SAMD3: variants seen among roughly 807,000 people sequenced by gnomAD.
SAMD3 encodes the protein sterile alpha motif domain-containing protein 3.
A neutral mutation model predicts 58.5 loss-of-function variants in SAMD3; 63 were observed. The ratio of observed to expected loss-of-function variants is 1.08; its 90% CI spans 0.88 to 1.33. The LOEUF (loss-of-function observed/expected upper bound fraction) is 1.33, where lower values mean the gene tolerates loss of function less well. Among genes scored for constraint, SAMD3 ranks in the 40% most tolerant of loss-of-function variants. The pLI, the probability that SAMD3 is intolerant of heterozygous loss-of-function variation, is 0.00. For missense variants in SAMD3, 604 were observed against 608.4 expected (o/e 0.99, Z 0.08); for synonymous variants, 220 against 210.3 (o/e 1.05, Z -0.40).
intron 2 of SAMD3, among the ~76,000 whole-genome samples, chr6:130,280,315 C>T (rs575166898): frequency 1.3e-5 from 2 of 152,258 alleles, no homozygotes; most frequent in East Asian, 1.9e-4. Flanking sequence ...TTTTTTTGCC[C>T]TTGATAATGG....
At chr6:130,143,918 T>A (rs1788395223), downstream of SAMD3, 1 of 152,526 alleles carries the variant, frequency 6.6e-6, no homozygotes, top group Admixed American at 6.5e-5. Flanking sequence ...CAGTAGCAGA[T>A]GAACACAGGT....
chr6:130,171,765 T>C (rs981802894), intron 8 of SAMD3, among the ~76,000 whole-genome samples: 9 of 152,208 alleles, frequency 5.9e-5, no homozygotes, highest in African/African-American at 1.4e-4. Flanking sequence ...AATATCCTTG[T>C]TAATTTTCTG....
intron 1 of SAMD3, among the ~76,000 whole-genome samples, chr6:130,321,227 T>C (rs1191363616): frequency 2.0e-5 from 3 of 152,190 alleles, no homozygotes; most frequent in East Asian, 1.9e-4. Context: ...TTCTTAGAAC[T>C]CTTGTCAATT....
At chr6:130,335,566 G>A (rs1252312423) in intron 1 of SAMD3, among the ~76,000 whole-genome samples, 1 of 152,230 alleles carries the variant, frequency 6.6e-6, no homozygotes, top group Non-Finnish European at 1.5e-5. Flanking sequence ...CTCTGTGTCA[G>A]TAGATGACTA....
At chr6:130,303,298 C>T (rs1055007224) in intron 2 of SAMD3, among the ~76,000 whole-genome samples, 5 of 152,152 alleles carry the variant, frequency 3.3e-5, no homozygotes, top group Admixed American at 2.6e-4. Flanking sequence ...TAGATACCCT[C>T]ACACCACATA....
intron 2 of SAMD3, among the ~76,000 whole-genome samples, chr6:130,266,746 A>T (rs944516726): frequency 2.6e-5 from 4 of 152,154 alleles, no homozygotes; most frequent in Non-Finnish European, 5.9e-5. Flanking sequence ...TTATTAAACC[A>T]TCTTTCTTCC....
chr6:130,213,325 T>A (rs9492492), intron 4 of SAMD3, among the ~76,000 whole-genome samples: 118,303 of 150,482 alleles, frequency 0.79, 46,856 homozygotes, highest in African/African-American at 0.88. Flanking sequence ...TTTTTTTTTT[T>A]AAAAAAAATC....
At chr6:130,305,709 G>C (rs755600457) in intron 2 of SAMD3, among the ~76,000 whole-genome samples, 1 of 152,108 alleles carries the variant, frequency 6.6e-6, no homozygotes, top group Non-Finnish European at 1.5e-5. Flanking sequence ...TGTGTTGATT[G>C]ATCTGCTGAT....
At chr6:130,230,198 GT>G (rs1319233525) in intron 2 of SAMD3, among the ~76,000 whole-genome samples, 22 of 152,266 alleles carry the variant, frequency 1.4e-4, no homozygotes, top group African/African-American at 4.8e-4. Context: ...ACGGTATTAT[GT>G]TGGAACTCTT....
At chr6:130,247,131 A>G (rs1445411652) in intron 2 of SAMD3, among the ~76,000 whole-genome samples, 1 of 152,190 alleles carries the variant, frequency 6.6e-6, no homozygotes, top group African/African-American at 2.4e-5. Flanking sequence ...AAAAGGAGCT[A>G]TTAAAGATTA....
intron 1 of SAMD3, among the ~76,000 whole-genome samples, chr6:130,351,089 A>T (rs1777644797): frequency 6.6e-6 from 1 of 152,234 alleles, no homozygotes; most frequent in Admixed American, 6.5e-5. Context: ...GATGGATTAA[A>T]GACTTACAGG....
chr6:130,363,529 G>T (rs952544525), intron 1 of SAMD3, among the ~76,000 whole-genome samples: 6 of 152,154 alleles, frequency 3.9e-5, no homozygotes, highest in Admixed American at 1.3e-4. Flanking sequence ...AAACAAGTTT[G>T]ATGTGAGTGT....
intron 2 of SAMD3, among the ~76,000 whole-genome samples, chr6:130,244,621 T>A (rs1186609595): frequency 2.0e-5 from 3 of 151,894 alleles, no homozygotes; most frequent in Non-Finnish European, 4.4e-5. Flanking sequence ...GCACCTGCAA[T>A]CCCAGCTACT....
intron 2 of SAMD3, among the ~76,000 whole-genome samples, chr6:130,265,936 G>C (rs1774332105): frequency 1.3e-5 from 2 of 152,096 alleles, no homozygotes; most frequent in African/African-American, 4.8e-5. Flanking sequence ...AATAAATGTG[G>C]ATACTGGTCT....
At chr6:130,273,967 TAA>T (rs1478423827) in intron 2 of SAMD3, among the ~76,000 whole-genome samples, 1 of 152,228 alleles carries the variant, frequency 6.6e-6, no homozygotes, top group Non-Finnish European at 1.5e-5. Flanking sequence ...TTTATATACT[TAA>T]CTCTACAAGT....
intron 2 of SAMD3, among the ~76,000 whole-genome samples, chr6:130,278,046 C>T (rs1386474233): frequency 6.6e-6 from 1 of 152,118 alleles, no homozygotes; most frequent in Non-Finnish European, 1.5e-5. Context: ...TTCCAAAACT[C>T]CCCAAATTGC....
At chr6:130,254,146 C>A (rs1274740959) in intron 2 of SAMD3, among the ~76,000 whole-genome samples, 1 of 150,526 alleles carries the variant, frequency 6.6e-6, no homozygotes. Flanking sequence ...GTGTGTGCCA[C>A]TACGCTCAGC....
intron 5 of SAMD3, among the ~76,000 whole-genome samples, chr6:130,189,778 CATT>C (rs2114731851): frequency 6.6e-6 from 1 of 152,274 alleles, no homozygotes; most frequent in Non-Finnish European, 1.5e-5. Flanking sequence ...TAACCATAAA[CATT>C]AAACACATTT....
At chr6:130,189,094 TA>T (rs1251883342) in intron 5 of SAMD3, among the ~76,000 whole-genome samples, 41 of 94,828 alleles carry the variant, frequency 4.3e-4, no homozygotes, top group Non-Finnish European at 8.3e-4. Context: ...TCACAATCTT[TA>T]AAAAAACCAA....
Sources: gnomAD v4.1 joint callset for allele counts (sites outside exome capture counted in the v4.1 genomes callset) on GRCh38, gnomAD v4.1.1 for gene constraint, MANE v1.5 for transcripts, NCBI Gene and HGNC (gene_info 2026-07-23, HGNC 2026-07-21) for gene names.